Variants in ZFP1 observed in about 807,000 individuals in gnomAD.
ZFP1 encodes zinc finger protein 1 homolog.
In ZFP1, 32 loss-of-function variants were observed where a neutral mutation model predicts 38.5. The ratio of observed to expected loss-of-function variants is 0.83; its 90% CI spans 0.63 to 1.12. The LOEUF is 1.12. Among genes scored for constraint, ZFP1 ranks in the 50% most tolerant of loss-of-function variants. ZFP1 has a pLI of 0.00. For synonymous variants in ZFP1, 245 were observed against 168.8 expected (o/e 1.45, Z -3.50); for missense variants, 616 against 480.8 (o/e 1.28, Z -2.63).
intron 2 of ZFP1, among the ~76,000 whole-genome samples, chr16:75,160,612 T>A (rs1256162677): frequency 2.1e-5 from 3 of 142,180 alleles, no homozygotes; most frequent in African/African-American, 8.0e-5. Context: ...TGAGCTGAGA[T>A]CATGCCACTG....
the ZFP1 span, among the ~76,000 whole-genome samples, chr16:75,141,179 T>C: frequency 6.7e-6 from 1 of 148,264 alleles, no homozygotes. Context: ...AAGTTGATTA[T>C]ACAAATTGGG....
Position 75,153,427 on chromosome 16 carries a change from G to T in ZFP1, c.15+461G>T, listed in dbSNP as rs984937628. 3.3e-5 allele frequency among the ~76,000 whole-genome samples: 5 copies of T among 152,160 alleles called. No homozygotes were observed. The South Asian group carries it at 6.2e-4, about 19-fold the overall frequency. The stretch of plus-strand genomic sequence containing the variant: ...CAGGTACCACTGTCATTACTTTCTT[G>T]TGTAGCTTTCCAGAGCTTATTTGTA... On this transcript the variant is annotated intron_variant, in intron 2 of 3. Transcript: ENST00000570010.
chr16:75,119,669 G>T, the ZFP1 span: 1 of 152,144 alleles, frequency 6.6e-6, no homozygotes, highest in Non-Finnish European at 1.5e-5. Flanking sequence ...AGAAAGCTTA[G>T]TAATCATATA....
chr16:75,132,926 C>G, the ZFP1 span, among the ~76,000 whole-genome samples: 1 of 151,142 alleles, frequency 6.6e-6, no homozygotes, highest in African/African-American at 2.4e-5. Context: ...TCCCAAAGTG[C>G]TTGATTACAG....
intron 2 of ZFP1, among the ~76,000 whole-genome samples, chr16:75,164,073 C>T (rs568715154): frequency 6.6e-6 from 1 of 152,270 alleles, no homozygotes; most frequent in African/African-American, 2.4e-5. Flanking sequence ...ATGTTATGTG[C>T]ATTTTTTGGA....
intron 2 of ZFP1, among the ~76,000 whole-genome samples, chr16:75,160,376 C>G (rs1261975028): frequency 1.3e-5 from 2 of 151,990 alleles, no homozygotes; most frequent in Non-Finnish European, 2.9e-5. Context: ...GTACTAAACC[C>G]CATCTGTACT....
chr16:75,129,668 C>G, the ZFP1 span, among the ~76,000 whole-genome samples: 2 of 152,164 alleles, frequency 1.3e-5, no homozygotes, highest in African/African-American at 4.8e-5. Context: ...TGATTGATGT[C>G]TCATGTTTCC....
At chr16:75,150,131 C>T (rs1232344366) in intron 1 of ZFP1, among the ~76,000 whole-genome samples, 1 of 151,786 alleles carries the variant, frequency 6.6e-6, no homozygotes, top group Admixed American at 6.6e-5. Context: ...TTTTTAACTT[C>T]CCTTGTGACT....
At chr16:75,126,181 T>C in the ZFP1 span, 47,973 of 151,888 alleles carry the variant, frequency 0.32, 7,734 homozygotes, top group Non-Finnish European at 0.34. Flanking sequence ...GACAGAGTCT[T>C]GCTGTGTCGC....
At chr16:75,133,126 T>C in the ZFP1 span, among the ~76,000 whole-genome samples, 43 of 151,060 alleles carry the variant, frequency 2.8e-4, no homozygotes, top group African/African-American at 8.3e-4. Context: ...TACAGGTGCA[T>C]GCCACCACGC....
the ZFP1 span, chr16:75,132,587 C>T: frequency 1.3e-5 from 2 of 151,474 alleles, no homozygotes; most frequent in South Asian, 4.2e-4. Flanking sequence ...AGCCAGTGGT[C>T]ATGCATTGCT....
At chr16:75,121,192 T>C in the ZFP1 span, among the ~76,000 whole-genome samples, 1 of 150,152 alleles carries the variant, frequency 6.7e-6, no homozygotes, top group Non-Finnish European at 1.5e-5. Flanking sequence ...TGAGACAGAG[T>C]CTCGCTGTCA....
At chr16:75,134,750 CA>C in the ZFP1 span, among the ~76,000 whole-genome samples, 1,746 of 98,140 alleles carry the variant, frequency 0.018, 32 homozygotes, top group African/African-American at 0.057. Context: ...GTCTCCGCCT[CA>C]AAAAAAAAAA....
the ZFP1 span, among the ~76,000 whole-genome samples, chr16:75,124,352 G>A: frequency 4.0e-5 from 6 of 150,884 alleles, no homozygotes; most frequent in East Asian, 1.1e-3. Flanking sequence ...TAGAGACAGG[G>A]TTTTGCCATG....
In ZFP1 at chr16:75,169,282, A is replaced by G; in HGVS notation, c.172A>G (p.Arg58Gly). Residue 58 changes from arginine (R) to glycine (G), a missense_variant, in exon 4 of 4, where the codon AGA (arginine) becomes GGA (glycine). By Grantham distance (125) the Arg-to-Gly change is moderately radical. Coordinates refer to ENST00000570010, the MANE Select transcript of ZFP1 (RefSeq NM_153688.4). ...EVWKADDQME[R>G]DHRNPDEQAR... is the part of the protein sequence containing the mutation. ...GTGGAAGGCTGATGACCAGATGGAGAGAGACCACAGAAACCCAGACGAGCA... is the reference window on the plus strand; with the variant it reads ...GTGGAAGGCTGATGACCAGATGGAGGGAGACCACAGAAACCCAGACGAGCA... The G allele has an allele frequency of 6.2e-7, 1 of 1,613,394 alleles. No individual in the cohort carries two copies. The highest frequency in any genetic ancestry group is 8.5e-7 in the Non-Finnish European group (1 of 1,179,812).
At position 75,169,698 on chromosome 16, in the gene ZFP1, G is replaced by C. The variant is rs2038316588; in HGVS notation, c.588G>C (p.Lys196Asn). 2 of 1,612,424 alleles carry C rather than the reference G, an allele frequency of 1.2e-6. No individual in the cohort carries two copies. Among genetic ancestry groups the C allele is most frequent in the Middle Eastern group, 1.7e-4 (1 of 6,050 alleles). ...ACTGTGACAAGGCTTTCTCCTTTAA[G>C]TCACTCCTCATTAGTCATAAGAGAA... Reference protein sequence around the residue: ...CTYCDKAFSFKSLLISHKRIH... With the variant: ...CTYCDKAFSFNSLLISHKRIH... Residue 196 changes from lysine to asparagine, a missense_variant, in exon 4 of 4, where the codon AAG becomes AAC. Lys to Asn is a moderately conservative substitution (Grantham distance 94). Coordinates refer to ENST00000570010, the MANE Select transcript of ZFP1 (RefSeq NM_153688.4).
chr16:75,131,881 C>T, the ZFP1 span, among the ~76,000 whole-genome samples: 2 of 151,836 alleles, frequency 1.3e-5, no homozygotes, highest in Admixed American at 6.6e-5. Flanking sequence ...GGGAGGATCG[C>T]TTGAACCCAG....
At chr16:75,145,595 G>T (rs148187415), upstream of ZFP1, among the ~76,000 whole-genome samples, 33 of 152,282 alleles carry the variant, frequency 2.2e-4, 1 homozygote, top group African/African-American at 7.7e-4. Flanking sequence ...GGGGCAGAGG[G>T]GCAGAGCTGC....
chr16:75,130,916 C>T, the ZFP1 span, among the ~76,000 whole-genome samples: 6 of 152,022 alleles, frequency 3.9e-5, no homozygotes, highest in Non-Finnish European at 8.8e-5. Flanking sequence ...AATGCAAAGC[C>T]CTTGCAGTGG....
Sources: allele counts gnomAD v4.1 joint callset (sites outside exome capture counted in the v4.1 genomes callset), GRCh38; gene constraint gnomAD v4.1.1; transcripts MANE v1.5; gene names NCBI Gene and HGNC (gene_info 2026-07-23, HGNC 2026-07-21).